LRP12: variants seen among roughly 807,000 people sequenced by gnomAD.
The protein encoded by LRP12 is LDL receptor related protein 12.
A neutral mutation model predicts 66.0 loss-of-function variants in LRP12; 14 were observed. That is an observed-to-expected ratio of 0.21 (90% confidence interval 0.14 to 0.33). LRP12 has a LOEUF of 0.33. LRP12 is among the 10% of genes least tolerant of loss of function. LRP12 has a pLI of 1.00. For missense variants in LRP12, 889 were observed against 1,053.4 expected (o/e 0.84, Z 2.16); for synonymous variants, 357 against 359.1 (o/e 0.99, Z 0.07).
chr8:104,567,058 T>C (rs1405634920), intron 1 of LRP12, among the ~76,000 whole-genome samples: 5 of 150,172 alleles, frequency 3.3e-5, no homozygotes, highest in African/African-American at 1.2e-4. Flanking sequence ...AGCAGGAAAA[T>C]TAAAGGTGTT....
chr8:104,548,065 AAT>A (rs1420552678), intron 1 of LRP12, among the ~76,000 whole-genome samples: 2 of 118,436 alleles, frequency 1.7e-5, no homozygotes, highest in African/African-American at 3.2e-5. Flanking sequence ...TTTTGTATAT[AAT>A]ATATAATTCT....
chr8:104,523,842 AATAG>A (rs2140855639), intron 2 of LRP12, among the ~76,000 whole-genome samples: 1 of 152,322 alleles, frequency 6.6e-6, no homozygotes, highest in East Asian at 1.9e-4. Context: ...CTCATCTGTA[AATAG>A]ATAATGTAAA....
At chr8:104,535,820 C>T (rs186902682) in intron 1 of LRP12, among the ~76,000 whole-genome samples, 1 of 151,970 alleles carries the variant, frequency 6.6e-6, no homozygotes, top group Admixed American at 6.6e-5. Context: ...GTTTGTGTTC[C>T]TTACTTTTTT....
chr8:104,518,258 T>C (rs1004646170), intron 2 of LRP12, among the ~76,000 whole-genome samples: 1 of 152,084 alleles, frequency 6.6e-6, no homozygotes, highest in African/African-American at 2.4e-5. Flanking sequence ...TGAACTCTTA[T>C]TACCTGGCAG....
intron 1 of LRP12, among the ~76,000 whole-genome samples, chr8:104,547,590 A>T (rs1400959130): frequency 1.5e-4 from 18 of 122,426 alleles, no homozygotes; most frequent in Admixed American, 4.6e-4. Context: ...ATTAATATAT[A>T]ATATATAATA....
At position 104,517,372 on chromosome 8, in the gene LRP12, AGAG is replaced by A. The variant is rs551686367; in HGVS notation, c.137-8301_137-8299del. Among the ~76,000 whole-genome samples the A allele has an allele frequency of 4.7e-3, 716 of 152,010 alleles. 3 individuals are homozygous for A. The highest frequency in any genetic ancestry group is 8.0e-3 in the Admixed American group (122 of 15,218). On this transcript the variant is annotated intron_variant, in intron 2 of 6. Coordinates refer to ENST00000276654, the MANE Select transcript of LRP12 (RefSeq NM_013437.5). ...ATGAACAAAAGATTTCTTTCATAGA[AGAG>A]AAGTTGGTAGAGCCACAGAAAAGCA... is the stretch of plus-strand genomic sequence containing the variant.
At chr8:104,544,732 A>G (rs1174005079) in intron 1 of LRP12, among the ~76,000 whole-genome samples, 1 of 152,204 alleles carries the variant, frequency 6.6e-6, no homozygotes, top group East Asian at 1.9e-4. Context: ...CCATCCGCTC[A>G]GAAAAAAAGA....
chr8:104,515,845 A>C (rs1811065713), intron 2 of LRP12, among the ~76,000 whole-genome samples: 1 of 152,204 alleles, frequency 6.6e-6, no homozygotes, highest in South Asian at 2.1e-4. Flanking sequence ...CTTCTCTCAG[A>C]AGCCTTGTTA....
At chr8:104,588,732 C>A in intron 1 of LRP12, 87 bp downstream of exon 1, 1 of 1,206,912 alleles carries the variant, frequency 8.3e-7, no homozygotes, top group Non-Finnish European at 1.2e-6. Context: ...GCGGGAGTCT[C>A]CAGGGGAACC....
At position 104,588,970 on chromosome 8, in the gene LRP12, A is replaced by ACGCCGACGCCGCCGCCGC. The variant is rs1554712979; in HGVS notation, c.-74_-73insGCGGCGGCGGCGTCGGCG. On this transcript the variant is annotated 5_prime_UTR_variant, in exon 1 of 7. Coordinates refer to ENST00000276654, the MANE Select transcript of LRP12 (RefSeq NM_013437.5). ...GAGAAGCTGGAGGTAGACGACGCCG[A>ACGCCGACGCCGCCGCCGC]CGCCGCCGCCGCCGCCGCCGCCGCC... 189 of 601,202 alleles carry ACGCCGACGCCGCCGCCGC rather than the reference A, an allele frequency of 3.1e-4. No homozygotes were observed. The highest frequency in any genetic ancestry group is 8.8e-4 in the Middle Eastern group (2 of 2,274). The allele number at this position is 601,202 out of a possible 1,614,324, so 37.2% of individuals were successfully genotyped here. A position where few individuals can be genotyped will look rare whatever the true frequency, so the allele number is the denominator to read the frequency against.
At chr8:104,561,637 G>A (rs576272438) in intron 1 of LRP12, among the ~76,000 whole-genome samples, 2 of 152,258 alleles carry the variant, frequency 1.3e-5, no homozygotes, top group Non-Finnish European at 2.9e-5. Flanking sequence ...TGTAGTGGTG[G>A]TGTGTATTTG....
chr8:104,497,950 G>C lies in LRP12; in HGVS notation c.602C>G (p.Ala201Gly). 6.2e-7 allele frequency: 1 copy of C among 1,614,102 alleles called. No homozygotes were observed. Among genetic ancestry groups the C allele is most frequent in the Non-Finnish European group, 8.5e-7 (1 of 1,180,018 alleles). The change falls in exon 5 of 7, where the codon GCC (alanine) becomes GGC (glycine). Residue 201 changes from alanine to glycine, a missense_variant. Ala to Gly is a moderately conservative substitution (Grantham distance 60). Transcript: ENST00000276654. This position sits in a 1 kb window ranked among gnomAD's most constrained non-coding sequence, Gnocchi z 4.3. The part of the protein sequence containing the change: ...CGDSSDEEIC[A>G]KEANPPTAAA... Reference sequence around the variant, plus strand: ...AGCAGTTGGAGGATTTGCTTCTTTGGCACAGATCTCTTCATCGGAACTATC... The same window carrying C: ...AGCAGTTGGAGGATTTGCTTCTTTGCCACAGATCTCTTCATCGGAACTATC...
At chr8:104,516,848 T>C (rs1811077745) in intron 2 of LRP12, among the ~76,000 whole-genome samples, 1 of 152,066 alleles carries the variant, frequency 6.6e-6, no homozygotes, top group Non-Finnish European at 1.5e-5. Flanking sequence ...AAAAAGTACA[T>C]ATTTACAATT....
intron 1 of LRP12, among the ~76,000 whole-genome samples, chr8:104,547,317 C>A (rs1811588654): frequency 7.9e-6 from 1 of 126,828 alleles, no homozygotes; most frequent in South Asian, 2.6e-4. Context: ...ATATACAATT[C>A]TGTTATATTT....
At chr8:104,498,973 T>C (rs1810781312) in intron 4 of LRP12, among the ~76,000 whole-genome samples, 1 of 152,164 alleles carries the variant, frequency 6.6e-6, no homozygotes. Context: ...TCTGGAGGTA[T>C]AAAAACAATG....
chr8:104,507,771 G>A (rs1490405227), intron 3 of LRP12: 1 of 152,152 alleles, frequency 6.6e-6, no homozygotes, highest in Non-Finnish European at 1.5e-5. Context: ...GCCAAGCTCT[G>A]GGGTTCCAGA....
chr8:104,508,795 A>G, intron 3 of LRP12, 144 bp downstream of exon 3: 1 of 668,126 alleles, frequency 1.5e-6, no homozygotes, highest in Non-Finnish European at 2.4e-6. Context: ...TACTCTTAAG[A>G]TGACACCAAT....
intron 1 of LRP12, among the ~76,000 whole-genome samples, chr8:104,572,312 T>A (rs1274223001): frequency 6.6e-6 from 1 of 152,196 alleles, no homozygotes; most frequent in African/African-American, 2.4e-5. Flanking sequence ...GATGAACTGT[T>A]CTACATCCTG....
Position 104,532,193 on chromosome 8 carries a change from AATAG to A in LRP12, c.80-234_80-231del, listed in dbSNP as rs373223716. ...AAGGTAGTGTTATATATAAAGGTCA[AATAG>A]ATAGATCTGATCAACACCAGAAAGA... is the stretch of plus-strand genomic sequence containing the variant. On this transcript the variant is annotated intron_variant, in intron 1 of 6. Transcript: ENST00000276654. Among the ~76,000 whole-genome samples, 1,087 of 152,128 alleles carry A rather than the reference AATAG, an allele frequency of 7.1e-3. 14 individuals are homozygous for A. The highest frequency in any genetic ancestry group is 0.025 in the African/African-American group (1,021 of 41,538).
Sources: gnomAD v4.1 joint callset for allele counts (sites outside exome capture counted in the v4.1 genomes callset) on GRCh38, gnomAD v4.1.1 for gene constraint, Gnocchi (gnomAD v3.1) non-coding constraint, MANE v1.5 for transcripts, NCBI Gene and HGNC (gene_info 2026-07-23, HGNC 2026-07-21) for gene names.